CENPE: variants seen among roughly 807,000 people sequenced by gnomAD.
CENPE encodes centromere protein E.
Under a neutral mutation model 336.1 loss-of-function variants are expected in CENPE, and 145 were observed. That is an observed-to-expected ratio of 0.43 (90% CI 0.38 to 0.50). The LOEUF is 0.50. CENPE is among the 20% of genes least tolerant of loss of function. The probability of loss-of-function intolerance (pLI) is 0.00; values close to 1 mark genes in which losing one functional copy is unlikely to be tolerated. For synonymous variants in CENPE, 1,013 were observed against 984.8 expected (o/e 1.03, Z -0.54); for missense variants, 2,719 against 3,023.3 (o/e 0.90, Z 2.36).
rs184118868 is a variant in CENPE, at chr4:103,153,285, A to G, written c.3034-35T>C. ...AAACACATTACAGAAGAATTTCTTA[A>G]GTAGTTAACAACAACTTTAAAAAAT... On this transcript the variant is annotated intron_variant, in intron 24 of 48. Coordinates refer to ENST00000265148, the MANE Select transcript of CENPE (RefSeq NM_001813.3). 277 of 1,409,536 alleles carry G rather than the reference A, an allele frequency of 2.0e-4. 1 individual carries two copies. The African/African-American group carries it at 3.4e-3, about 17-fold the overall frequency. 87.3% of individuals were successfully genotyped at this position (1,409,536 alleles called of 1,614,324 possible). A position where few individuals can be genotyped will look rare whatever the true frequency, so the allele number is the denominator to read the frequency against.
At chr4:103,114,592 T>G (rs1026960022) in intron 45 of CENPE, 40 bp from the exon 46 acceptor site, 2 of 1,299,054 alleles carry the variant, frequency 1.5e-6, no homozygotes, top group Non-Finnish European at 2.2e-6. Flanking sequence ...GCTCAGCAAC[T>G]GATTTTTTAC....
chr4:103,177,053 A>C lies in CENPE; in HGVS notation c.1243-7T>G. ...CTCTTCGTTTTCTTTTAGCCTAAAG[A>C]AGAAGAAATCAAAATTATGTCATAT... On this transcript the variant is annotated splice_polypyrimidine_tract_variant and splice_region_variant and intron_variant, in intron 13 of 48. Coordinates refer to ENST00000265148, the MANE Select transcript of CENPE (RefSeq NM_001813.3). 2 of 1,596,818 alleles carry C rather than the reference A, an allele frequency of 1.3e-6. No individual in the cohort carries two copies. Among genetic ancestry groups the C allele is most frequent in the Non-Finnish European group, 1.7e-6 (2 of 1,174,384 alleles).
At position 103,158,747 on chromosome 4, in the gene CENPE, G is replaced by A; in HGVS notation, c.2741C>T (p.Thr914Ile). The A allele has an allele frequency of 7.4e-6, 12 of 1,613,120 alleles. No individual in the cohort carries two copies. Among genetic ancestry groups the A allele is most frequent in the Non-Finnish European group, 9.3e-6 (11 of 1,179,484 alleles). The change falls in exon 23 of 49, where the codon ACT (threonine) becomes ATT (isoleucine). Residue 914 changes from threonine to isoleucine, a missense_variant. By Grantham distance (89) the Thr-to-Ile change is moderately conservative (BLOSUM62 -1). Coordinates refer to ENST00000265148, the MANE Select transcript of CENPE (RefSeq NM_001813.3). ...QTVEREKTLITEKLQQTLEEV... is the reference protein window; with the variant it reads ...QTVEREKTLIIEKLQQTLEEV... ...TTCTAAAGTTTGCTGCAGTTTCTCA[G>A]TAATCAGTGTTTTCTCCCTTTCTAC...
intron 13 of CENPE, among the ~76,000 whole-genome samples, chr4:103,178,458 C>T (rs561858951): frequency 9.9e-5 from 15 of 152,270 alleles, no homozygotes; most frequent in African/African-American, 3.1e-4. Context: ...ACCTAAACTC[C>T]TAAGAGTACT....
At chr4:103,132,184 G>A (rs1196358968) in intron 42 of CENPE, among the ~76,000 whole-genome samples, 1 of 152,134 alleles carries the variant, frequency 6.6e-6, no homozygotes, top group East Asian at 1.9e-4. Flanking sequence ...TGATAGGGGA[G>A]ATTGTGTTTG....
At chr4:103,192,553 T>C (rs1354443376) in intron 8 of CENPE, among the ~76,000 whole-genome samples, 1 of 152,090 alleles carries the variant, frequency 6.6e-6, no homozygotes, top group Non-Finnish European at 1.5e-5. Context: ...AGAAAGTAAA[T>C]GAGTGTAGCA....
chr4:103,168,647 G>A (rs1479935114), intron 16 of CENPE, among the ~76,000 whole-genome samples: 3 of 152,180 alleles, frequency 2.0e-5, no homozygotes, highest in East Asian at 3.8e-4. Context: ...GGAGACAGGC[G>A]TATCCAAGTC....
rs771082981 is a variant in CENPE, at chr4:103,143,434, A to G, written c.5146-28T>C. The G allele has an allele frequency of 2.8e-6, 4 of 1,423,096 alleles. No individual in the cohort carries two copies. In the South Asian group the frequency reaches 4.7e-5, roughly 17 times the overall value. 88.2% of individuals were successfully genotyped at this position (1,423,096 alleles called of 1,614,324 possible). On this transcript the variant is annotated intron_variant, in intron 33 of 48. Coordinates refer to ENST00000265148, the MANE Select transcript of CENPE (RefSeq NM_001813.3). ...TTATCAATAGAAAAATAAAAATAAT[A>G]CATTGAGAGTAGTACCATCCACATG...
rs1176050439 is a variant in CENPE at position 103,145,516 on chromosome 4, A to C, written c.4572+7T>G. The C allele has an allele frequency of 6.3e-7, 1 of 1,595,074 alleles. No homozygotes were observed. Among genetic ancestry groups the C allele is most frequent in the African/African-American group, 1.4e-5 (1 of 74,000 alleles). On this transcript the variant is annotated splice_region_variant and intron_variant, in intron 31 of 48. Transcript: ENST00000265148. ...TTCCTCCCACTGTTTCTTCATCCCC[A>C]ATTTACCTTGTTCTGTAATTTATCA...
chr4:103,185,568 A>G, intron 9 of CENPE, among the ~76,000 whole-genome samples: 1 of 152,062 alleles, frequency 6.6e-6, no homozygotes, highest in East Asian at 1.9e-4. Flanking sequence ...CTGCTGTACA[A>G]TCCCATCAAT....
intron 42 of CENPE, among the ~76,000 whole-genome samples, chr4:103,126,489 C>T (rs1751116573): frequency 6.6e-6 from 1 of 152,162 alleles, no homozygotes. Context: ...CTATTTGCTA[C>T]AGTTACTTTT....
chr4:103,134,485 T>A (rs1751887517), intron 40 of CENPE, among the ~76,000 whole-genome samples: 1 of 151,696 alleles, frequency 6.6e-6, no homozygotes, highest in Non-Finnish European at 1.5e-5. Flanking sequence ...ATACAAAAAA[T>A]TAGCTGGGCG....
At chr4:103,118,091 A>G (rs1426077615) in intron 44 of CENPE, among the ~76,000 whole-genome samples, 1 of 152,226 alleles carries the variant, frequency 6.6e-6, no homozygotes, top group African/African-American at 2.4e-5. Context: ...CTGAGTAAAT[A>G]CCAAGGAATA....
intron 38 of CENPE, 64 bp from the exon 39 acceptor site, chr4:103,138,513 A>G: frequency 2.0e-6 from 2 of 983,058 alleles, no homozygotes; most frequent in South Asian, 2.6e-5. Context: ...ATAATGTCTA[A>G]TCGCACACTT....
At chr4:103,195,309 TTAAAG>T in intron 4 of CENPE, 76 bp from the exon 5 acceptor site, 1 of 1,297,834 alleles carries the variant, frequency 7.7e-7, no homozygotes. Context: ...GCTCATGTGC[TTAAAG>T]AGGTAAAATG....
chr4:103,195,778 C>T, intron 4 of CENPE, 142 bp downstream of exon 4: 2 of 640,056 alleles, frequency 3.1e-6, no homozygotes, highest in Admixed American at 2.7e-5. Context: ...CTATGCTATG[C>T]CTTTCTTCTT....
chr4:103,106,955 A>G (rs1748953198), intron 48 of CENPE, among the ~76,000 whole-genome samples: 1 of 152,172 alleles, frequency 6.6e-6, no homozygotes, highest in Admixed American at 6.5e-5. Flanking sequence ...GTATTCTTCT[A>G]GGCTACTCTT....
intron 46 of CENPE, among the ~76,000 whole-genome samples, chr4:103,112,569 T>C (rs906845594): frequency 7.0e-6 from 1 of 141,904 alleles, no homozygotes; most frequent in Non-Finnish European, 1.5e-5. Flanking sequence ...TGTATGTATA[T>C]ATACTTATAA....
chr4:103,150,514 G>C (rs1000255360), intron 26 of CENPE, among the ~76,000 whole-genome samples: 9 of 152,010 alleles, frequency 5.9e-5, no homozygotes, highest in Admixed American at 2.6e-4. Flanking sequence ...ACCCAGGGGG[G>C]GTTGAGGCTA....
Sources: allele counts gnomAD v4.1 joint callset (sites outside exome capture counted in the v4.1 genomes callset), GRCh38; gene constraint gnomAD v4.1.1; transcripts MANE v1.5; gene names NCBI Gene and HGNC (gene_info 2026-07-23, HGNC 2026-07-21).